GRM7: variants seen among roughly 807,000 people sequenced by gnomAD.
GRM7 encodes the protein glutamate metabotropic receptor 7, also known as metabotropic glutamate receptor 7.
A neutral mutation model predicts 84.5 loss-of-function variants in GRM7; 35 were observed. The ratio of observed to expected loss-of-function variants is 0.41; its 90% confidence interval spans 0.32 to 0.55. GRM7 has a LOEUF of 0.55. Among genes scored for constraint, GRM7 ranks in the 20% least tolerant of loss-of-function variants. The pLI, the probability that GRM7 is intolerant of heterozygous loss-of-function variation, is 0.19. For missense variants in GRM7, 1,003 were observed against 1,194.6 expected, an observed-to-expected ratio of 0.84 and a Z score of 2.36; for synonymous variants, 487 against 455.1, an observed-to-expected ratio of 1.07 and a Z score of -0.89.
chr3:7,191,951 C>T (rs1032152256), intron 2 of GRM7, among the ~76,000 whole-genome samples: 12 of 152,002 alleles, frequency 7.9e-5, no homozygotes, highest in Non-Finnish European at 5.9e-5. Context: ...CAGGTACATC[C>T]GAATTTTACA....
At chr3:6,875,056 T>A (rs1474042582) in intron 1 of GRM7, among the ~76,000 whole-genome samples, 2 of 152,182 alleles carry the variant, frequency 1.3e-5, no homozygotes, top group Non-Finnish European at 2.9e-5. Context: ...CTCTATGCTT[T>A]TCATCTGGCA....
chr3:7,544,729 A>T (rs1181616297), intron 7 of GRM7, among the ~76,000 whole-genome samples: 1 of 152,076 alleles, frequency 6.6e-6, no homozygotes, highest in African/African-American at 2.4e-5. Flanking sequence ...TTAGACAAGT[A>T]TTTCTTTACT....
At chr3:7,668,527 T>C (rs1397440045) in intron 8 of GRM7, among the ~76,000 whole-genome samples, 1 of 152,226 alleles carries the variant, frequency 6.6e-6, no homozygotes, top group East Asian at 1.9e-4. Context: ...TTTGAGAACT[T>C]GCCTAACAGA....
At chr3:7,317,302 G>GA (rs1700618404) in intron 4 of GRM7, among the ~76,000 whole-genome samples, 1 of 151,856 alleles carries the variant, frequency 6.6e-6, no homozygotes, top group African/African-American at 2.4e-5. Flanking sequence ...AGACCTTAAG[G>GA]AGAACTATAG....
At chr3:6,933,826 T>G (rs1408150830) in intron 1 of GRM7, among the ~76,000 whole-genome samples, 2 of 152,076 alleles carry the variant, frequency 1.3e-5, no homozygotes, top group African/African-American at 2.4e-5. Flanking sequence ...ATCCTACTAT[T>G]CAGGAAAGAA....
At chr3:7,474,462 A>C (rs1050051234) in intron 7 of GRM7, among the ~76,000 whole-genome samples, 1 of 151,716 alleles carries the variant, frequency 6.6e-6, no homozygotes, top group Non-Finnish European at 1.5e-5. Context: ...AAAAATTGAC[A>C]ATTGAGAGTA....
intron 2 of GRM7, among the ~76,000 whole-genome samples, chr3:7,232,901 G>A (rs959437755): frequency 6.6e-5 from 10 of 151,994 alleles, no homozygotes; most frequent in African/African-American, 1.7e-4. Context: ...TTCTTTCTTC[G>A]AATCTTTAGA....
chr3:7,713,114 A>ATTTTTTTTTTTTTT (rs1165234212), intron 9 of GRM7, among the ~76,000 whole-genome samples: 3 of 129,854 alleles, frequency 2.3e-5, no homozygotes, highest in Non-Finnish European at 3.2e-5. Flanking sequence ...GAGGATTCGA[A>ATTTTTTTTTTTTTT]TTTTGTTTTG....
At chr3:7,022,263 T>C (rs1695803195) in intron 1 of GRM7, among the ~76,000 whole-genome samples, 1 of 151,666 alleles carries the variant, frequency 6.6e-6, no homozygotes, top group Admixed American at 6.6e-5. Context: ...GAAGTAGAGA[T>C]TGCAGTGAGC....
intron 7 of GRM7, among the ~76,000 whole-genome samples, chr3:7,565,146 G>A (rs909108762): frequency 1.3e-5 from 2 of 152,152 alleles, no homozygotes; most frequent in African/African-American, 4.8e-5. Flanking sequence ...ACTCACAAAA[G>A]TAATTATGGA....
At chr3:7,037,176 A>C (rs1696417853) in intron 1 of GRM7, among the ~76,000 whole-genome samples, 1 of 152,230 alleles carries the variant, frequency 6.6e-6, no homozygotes, top group African/African-American at 2.4e-5. Flanking sequence ...CAGCTGACCC[A>C]ACTGACTGGC....
At chr3:7,685,481 C>CTT in intron 9 of GRM7, among the ~76,000 whole-genome samples, 1 of 152,198 alleles carries the variant, frequency 6.6e-6, no homozygotes, top group African/African-American at 2.4e-5. Context: ...GAGGGACACA[C>CTT]CCTTTTTTTT....
intron 4 of GRM7, among the ~76,000 whole-genome samples, chr3:7,345,414 G>A (rs1195768752): frequency 6.6e-6 from 1 of 151,726 alleles, no homozygotes; most frequent in African/African-American, 2.4e-5. Flanking sequence ...ATGGTAGCTG[G>A]GATTACAGGC....
At chr3:7,180,012 A>C (rs1695284612) in intron 2 of GRM7, among the ~76,000 whole-genome samples, 1 of 152,202 alleles carries the variant, frequency 6.6e-6, no homozygotes, top group Non-Finnish European at 1.5e-5. Flanking sequence ...GGAATTTCAA[A>C]ATTTAATTGA....
At chr3:7,370,000 A>C (rs1694065315) in intron 4 of GRM7, among the ~76,000 whole-genome samples, 1 of 151,918 alleles carries the variant, frequency 6.6e-6, no homozygotes, top group Non-Finnish European at 1.5e-5. Flanking sequence ...TCTCTCTGGG[A>C]AAAAATAACA....
At chr3:6,885,882 TTAAG>T (rs552788330) in intron 1 of GRM7, among the ~76,000 whole-genome samples, 8 of 152,226 alleles carry the variant, frequency 5.3e-5, no homozygotes, top group African/African-American at 1.9e-4. Context: ...CTCCAGTCTA[TTAAG>T]TATTTTATAA....
chr3:7,423,667 T>C (rs1259411630), intron 5 of GRM7, among the ~76,000 whole-genome samples: 2 of 47,282 alleles, frequency 4.2e-5, no homozygotes, highest in Non-Finnish European at 7.7e-5. Flanking sequence ...CAAAGAGAAA[T>C]ATGGATACAA....
At chr3:7,547,091 T>C (rs1480633159) in intron 7 of GRM7, among the ~76,000 whole-genome samples, 1 of 151,432 alleles carries the variant, frequency 6.6e-6, no homozygotes, top group Non-Finnish European at 1.5e-5. Flanking sequence ...TCCATGAAAA[T>C]TCAATTAATT....
chr3:7,023,049 G>A (rs531050444), intron 1 of GRM7, among the ~76,000 whole-genome samples: 67 of 152,054 alleles, frequency 4.4e-4, no homozygotes, highest in African/African-American at 1.5e-3. Flanking sequence ...GACATGGGAG[G>A]TGGGAGGCAG....
Sources: allele counts gnomAD v4.1 joint callset (sites outside exome capture counted in the v4.1 genomes callset), GRCh38; gene constraint gnomAD v4.1.1; transcripts MANE v1.5; gene names NCBI Gene and HGNC (gene_info 2026-07-23, HGNC 2026-07-21).